The following SPAG16 variants were observed in gnomAD, a reference collection of about 807,000 sequenced individuals.
The protein encoded by SPAG16 is sperm-associated antigen 16 protein.
In SPAG16, 86 loss-of-function variants were observed where a neutral mutation model predicts 80.4. The ratio of observed to expected loss-of-function variants is 1.07; its 90% confidence interval spans 0.90 to 1.28. The LOEUF is 1.28. Among genes scored for constraint, SPAG16 ranks in the 50% most tolerant of loss-of-function variants. The pLI is 0.00. For synonymous variants in SPAG16, 294 were observed against 265.9 expected, an observed-to-expected ratio of 1.11 and a Z score of -1.03; for missense variants, 870 against 765.3, an observed-to-expected ratio of 1.14 and a Z score of -1.61.
At chr2:213,399,667 AAGTTGTGGAAT>A (rs2068218282) in intron 9 of SPAG16, among the ~76,000 whole-genome samples, 1 of 151,966 alleles carries the variant, frequency 6.6e-6, no homozygotes, top group Non-Finnish European at 1.5e-5. Context: ...ATCATTGAAT[AAGTTGTGGAAT>A]AGTTCCTTTC....
chr2:213,692,688 T>C (rs907920901), intron 10 of SPAG16, among the ~76,000 whole-genome samples: 4 of 151,776 alleles, frequency 2.6e-5, no homozygotes, highest in Non-Finnish European at 5.9e-5. Flanking sequence ...CGGGTGCCTG[T>C]AGTCCCAGCT....
intron 15 of SPAG16, among the ~76,000 whole-genome samples, chr2:214,317,967 T>C (rs925005443): frequency 6.6e-6 from 1 of 152,196 alleles, no homozygotes; most frequent in African/African-American, 2.4e-5. Flanking sequence ...AAAATCAGAA[T>C]TCTGTTGGCA....
intron 12 of SPAG16, among the ~76,000 whole-genome samples, chr2:214,000,482 G>A (rs900776152): frequency 6.6e-6 from 1 of 151,994 alleles, no homozygotes; most frequent in African/African-American, 2.4e-5. Context: ...AGGAAGTAAT[G>A]GTGTCTCTTC....
At chr2:214,407,542 A>G (rs1702060443) in intron 15 of SPAG16, among the ~76,000 whole-genome samples, 1 of 152,106 alleles carries the variant, frequency 6.6e-6, no homozygotes, top group South Asian at 2.1e-4. Flanking sequence ...TGTCATTAAG[A>G]CCCTGACATT....
chr2:213,713,659 C>T (rs931501842), intron 10 of SPAG16, among the ~76,000 whole-genome samples: 3 of 152,122 alleles, frequency 2.0e-5, no homozygotes. Context: ...ACTCAAGAGA[C>T]AATGTAGAGT....
chr2:214,170,552 T>A (rs2056838152), intron 15 of SPAG16, among the ~76,000 whole-genome samples: 1 of 152,028 alleles, frequency 6.6e-6, no homozygotes. Flanking sequence ...AAAAGGGATA[T>A]TACTTTCATT....
chr2:214,073,246 CT>C (rs1470006389), intron 13 of SPAG16, among the ~76,000 whole-genome samples: 3 of 118,300 alleles, frequency 2.5e-5, no homozygotes, highest in Non-Finnish European at 3.6e-5. Flanking sequence ...TTTTTTTTTT[CT>C]TTTTTTTTGA....
At chr2:214,125,622 T>A (rs1396992500) in intron 14 of SPAG16, among the ~76,000 whole-genome samples, 5 of 151,738 alleles carry the variant, frequency 3.3e-5, no homozygotes, top group African/African-American at 9.7e-5. Flanking sequence ...TATATATAGC[T>A]CCACCCTGTA....
intron 10 of SPAG16, among the ~76,000 whole-genome samples, chr2:213,625,761 G>A (rs2125065962): frequency 6.6e-6 from 1 of 152,142 alleles, no homozygotes; most frequent in East Asian, 1.9e-4. Flanking sequence ...TGGGCTCACT[G>A]CAACCTCCAC....
chr2:213,542,565 A>G (rs1303449618), intron 10 of SPAG16, among the ~76,000 whole-genome samples: 3 of 152,178 alleles, frequency 2.0e-5, no homozygotes, highest in Admixed American at 1.3e-4. Flanking sequence ...ATTATGATGC[A>G]TTAACCATGA....
chr2:213,308,182 T>C (rs1438718450), intron 3 of SPAG16, among the ~76,000 whole-genome samples: 1 of 152,206 alleles, frequency 6.6e-6, no homozygotes, highest in Non-Finnish European at 1.5e-5. Flanking sequence ...CTTCATTCCA[T>C]AAAATAGAAT....
At chr2:213,885,775 A>C (rs769813902) in intron 11 of SPAG16, among the ~76,000 whole-genome samples, 4 of 152,188 alleles carry the variant, frequency 2.6e-5, no homozygotes, top group Non-Finnish European at 5.9e-5. Context: ...GGCTTAATCT[A>C]TGAGATAAAC....
intron 14 of SPAG16, among the ~76,000 whole-genome samples, chr2:214,137,644 G>A (rs2055132402): frequency 6.6e-6 from 1 of 152,038 alleles, no homozygotes; most frequent in Non-Finnish European, 1.5e-5. Flanking sequence ...TAAAATCTTG[G>A]ACTCTGCAGT....
intron 15 of SPAG16, among the ~76,000 whole-genome samples, chr2:214,366,814 A>G (rs1483445372): frequency 2.6e-5 from 4 of 152,114 alleles, no homozygotes; most frequent in Non-Finnish European, 5.9e-5. Flanking sequence ...TTTAACTTAG[A>G]CTACATGTAG....
intron 11 of SPAG16, among the ~76,000 whole-genome samples, chr2:213,926,394 A>C (rs2078481317): frequency 1.3e-5 from 2 of 151,844 alleles, no homozygotes; most frequent in South Asian, 2.1e-4. Context: ...CCCCACTTCC[A>C]TTCCACCCTT....
chr2:213,598,893 T>G (rs1200006055), intron 10 of SPAG16, among the ~76,000 whole-genome samples: 2 of 152,184 alleles, frequency 1.3e-5, no homozygotes, highest in African/African-American at 4.8e-5. Flanking sequence ...AAACAAACTC[T>G]GTGGACAACC....
chr2:213,897,411 T>G (rs2077038489), intron 11 of SPAG16, among the ~76,000 whole-genome samples: 1 of 152,194 alleles, frequency 6.6e-6, no homozygotes, highest in South Asian at 2.1e-4. Context: ...TCTTCATGTT[T>G]TTCTTTGAAT....
chr2:213,469,543 C>A (rs1341608352), intron 9 of SPAG16, among the ~76,000 whole-genome samples: 1 of 145,464 alleles, frequency 6.9e-6, no homozygotes, highest in African/African-American at 2.5e-5. Flanking sequence ...TCTGTATTCC[C>A]TTTGCCTTCA....
At chr2:214,142,754 T>G (rs891400106) in intron 14 of SPAG16, among the ~76,000 whole-genome samples, 22 of 152,172 alleles carry the variant, frequency 1.4e-4, no homozygotes, top group Non-Finnish European at 5.9e-5. Context: ...ACAAAAATTG[T>G]AGCTTCAAAC....
Sources: allele counts gnomAD v4.1 joint callset (sites outside exome capture counted in the v4.1 genomes callset), GRCh38; gene constraint gnomAD v4.1.1; transcripts MANE v1.5; gene names NCBI Gene and HGNC (gene_info 2026-07-23, HGNC 2026-07-21).